Variants in ROBO2 observed in about 807,000 individuals in gnomAD.
ROBO2 encodes the protein roundabout homolog 2.
Under a neutral mutation model 160.8 loss-of-function variants are expected in ROBO2, and 53 were observed. The ratio of observed to expected loss-of-function variants is 0.33; its 90% CI spans 0.26 to 0.41. ROBO2 has a LOEUF of 0.41. ROBO2 is among the 10% of genes least tolerant of loss of function. ROBO2 has a pLI of 1.00. For missense variants in ROBO2, 1,577 were observed against 1,722.4 expected, an observed-to-expected ratio of 0.92 and a Z score of 1.49; for synonymous variants, 664 against 611.7, an observed-to-expected ratio of 1.09 and a Z score of -1.26.
intron 2 of ROBO2, among the ~76,000 whole-genome samples, chr3:76,666,009 A>ATG (rs2092025129): frequency 1.6e-5 from 2 of 121,580 alleles, no homozygotes; most frequent in Non-Finnish European, 3.7e-5. Context: ...TATATAATAT[A>ATG]TACATATTAT....
At chr3:76,509,606 A>G (rs1477044832) in intron 2 of ROBO2, among the ~76,000 whole-genome samples, 1 of 152,166 alleles carries the variant, frequency 6.6e-6, no homozygotes, top group Non-Finnish European at 1.5e-5. Flanking sequence ...AACAAGAGAC[A>G]TTCGGCCTAG....
chr3:76,624,523 C>T (rs35738841), intron 2 of ROBO2, among the ~76,000 whole-genome samples: 31,818 of 151,624 alleles, frequency 0.21, 3,489 homozygotes, highest in Middle Eastern at 0.27. Flanking sequence ...AGAGGCCGGG[C>T]GCGGTGGGCT....
chr3:76,109,891 G>C (rs1329403111), intron 2 of ROBO2, among the ~76,000 whole-genome samples: 1 of 151,692 alleles, frequency 6.6e-6, no homozygotes. Context: ...CTTTTGTTTA[G>C]TTCCCACTTA....
intron 2 of ROBO2, among the ~76,000 whole-genome samples, chr3:77,143,603 A>G (rs949811381): frequency 3.3e-5 from 5 of 152,214 alleles, no homozygotes; most frequent in Non-Finnish European, 7.3e-5. Flanking sequence ...CTCAGTATAT[A>G]TAAAATCATA....
At chr3:77,471,607 C>A (rs1289210672) in intron 2 of ROBO2, among the ~76,000 whole-genome samples, 1 of 152,108 alleles carries the variant, frequency 6.6e-6, no homozygotes, top group Non-Finnish European at 1.5e-5. Flanking sequence ...GACTTTCCCT[C>A]TAAAGATTCA....
At chr3:76,049,478 A>G (rs1221741003) in intron 2 of ROBO2, among the ~76,000 whole-genome samples, 1 of 141,688 alleles carries the variant, frequency 7.1e-6, no homozygotes, top group Non-Finnish European at 1.5e-5. Flanking sequence ...TCCTGGACTC[A>G]AGTGATCCGT....
At chr3:76,549,255 A>G (rs774614887) in intron 2 of ROBO2, among the ~76,000 whole-genome samples, 2 of 152,188 alleles carry the variant, frequency 1.3e-5, no homozygotes, top group Non-Finnish European at 2.9e-5. Flanking sequence ...ATATAAATAT[A>G]CTGAGTTCTG....
At chr3:77,531,560 T>C (rs888500769) in intron 6 of ROBO2, among the ~76,000 whole-genome samples, 12 of 151,890 alleles carry the variant, frequency 7.9e-5, no homozygotes, top group African/African-American at 2.9e-4. Flanking sequence ...TGGTTTGTGA[T>C]TGAAAAATTC....
chr3:76,838,914 A>C (rs2067968588), intron 2 of ROBO2, among the ~76,000 whole-genome samples: 1 of 152,138 alleles, frequency 6.6e-6, no homozygotes, highest in Admixed American at 6.6e-5. Context: ...ATCCACATGA[A>C]ACTTGTAGAC....
chr3:77,296,020 A>G (rs1485578637), intron 2 of ROBO2, among the ~76,000 whole-genome samples: 1 of 147,504 alleles, frequency 6.8e-6, no homozygotes, highest in Admixed American at 6.7e-5. Flanking sequence ...TGAGGCTAGA[A>G]CAGTAAAGAC....
intron 2 of ROBO2, among the ~76,000 whole-genome samples, chr3:75,947,777 C>T (rs200235081): frequency 6.6e-6 from 1 of 152,030 alleles, no homozygotes; most frequent in African/African-American, 2.4e-5. Context: ...CCATTCACTC[C>T]CTCATACAAA....
chr3:76,009,432 A>G (rs974007049), intron 2 of ROBO2, among the ~76,000 whole-genome samples: 1 of 152,194 alleles, frequency 6.6e-6, no homozygotes, highest in Non-Finnish European at 1.5e-5. Flanking sequence ...AGCTTGCTTC[A>G]GAGAAGAAGG....
At chr3:76,079,149 G>A (rs1033175654) in intron 2 of ROBO2, among the ~76,000 whole-genome samples, 1 of 152,296 alleles carries the variant, frequency 6.6e-6, no homozygotes, top group Admixed American at 6.5e-5. Context: ...ACTGGGAAGG[G>A]TAGTGAAGAA....
intron 16 of ROBO2, among the ~76,000 whole-genome samples, chr3:77,587,449 T>A (rs2094080961): frequency 6.6e-6 from 1 of 152,106 alleles, no homozygotes; most frequent in Non-Finnish European, 1.5e-5. Context: ...AGATAATTTA[T>A]CACTCATGAC....
intron 2 of ROBO2, among the ~76,000 whole-genome samples, chr3:77,264,536 A>AT (rs140966826): frequency 1.4e-3 from 196 of 136,886 alleles, no homozygotes; most frequent in South Asian, 6.0e-3. Context: ...CATGTTCATA[A>AT]TGTTTTTTTT....
At chr3:76,004,196 C>T (rs891246966) in intron 2 of ROBO2, among the ~76,000 whole-genome samples, 29 of 151,822 alleles carry the variant, frequency 1.9e-4, no homozygotes, top group Admixed American at 6.6e-4. Flanking sequence ...CACTAGTTTG[C>T]GATAAAAAAG....
intron 2 of ROBO2, among the ~76,000 whole-genome samples, chr3:77,103,841 A>G (rs575321685): frequency 6.6e-6 from 1 of 152,326 alleles, no homozygotes; most frequent in South Asian, 2.1e-4. Context: ...TGACTTTAGT[A>G]TGAGAGGGCA....
chr3:76,783,521 T>C (rs972562210), intron 2 of ROBO2, among the ~76,000 whole-genome samples: 2 of 150,350 alleles, frequency 1.3e-5, no homozygotes, highest in African/African-American at 4.9e-5. Context: ...TTTCTTTTTT[T>C]TTTTTTTCCA....
intron 2 of ROBO2, among the ~76,000 whole-genome samples, chr3:77,382,519 T>A (rs568226026): frequency 6.6e-6 from 1 of 152,186 alleles, no homozygotes; most frequent in Non-Finnish European, 1.5e-5. Context: ...GTCATCTGAG[T>A]AGTGTACGTT....
Sources: allele counts gnomAD v4.1 joint callset (sites outside exome capture counted in the v4.1 genomes callset), GRCh38; gene constraint gnomAD v4.1.1; transcripts MANE v1.5; gene names NCBI Gene and HGNC (gene_info 2026-07-23, HGNC 2026-07-21).